The following CEP85L variants were observed in gnomAD, a reference collection of about 807,000 sequenced individuals.
CEP85L encodes centrosomal protein 85L.
In CEP85L, 60 loss-of-function variants were observed where a neutral mutation model predicts 100.3. The observed-to-expected ratio is 0.60, with a 90% CI of 0.49 to 0.74. The LOEUF (loss-of-function observed/expected upper bound fraction) is 0.74. CEP85L is among the 30% of genes least tolerant of loss of function. The pLI, the probability that CEP85L is intolerant of heterozygous loss-of-function variation, is 0.00. For synonymous variants in CEP85L, 319 were observed against 322.7 expected (o/e 0.99, Z 0.12); for missense variants, 973 against 936.2 (o/e 1.04, Z -0.51).
At chr6:118,537,490 T>C in intron 3 of CEP85L, 3 of 983,868 alleles carry the variant, frequency 3.0e-6, no homozygotes, top group Non-Finnish European at 3.6e-6. Context: ...CCTAACCATA[T>C]AGATTTATAG....
chr6:118,462,668 T>C lies in CEP85L; in HGVS notation c.*2737A>G, dbSNP rs950168654. The C allele has an allele frequency of 2.6e-5, 4 of 152,002 alleles. No individual in the cohort carries two copies. The highest frequency in any genetic ancestry group is 7.2e-5 in the African/African-American group (3 of 41,438). The allele number at this position is 152,002 out of a possible 1,614,324, so 9.4% of individuals were successfully genotyped here. The stretch of plus-strand genomic sequence containing the variant: ...GGTTAATTTTCATTTCAGGAATATA[T>C]TGGTGTCATAACTTCCACGAACATC... On this transcript the variant is annotated 3_prime_UTR_variant, in exon 13 of 13. Transcript: ENST00000368491.
At chr6:118,651,991 G>A (rs950247674), upstream of CEP85L, 9 of 753,834 alleles carry the variant, frequency 1.2e-5, no homozygotes, top group African/African-American at 1.9e-5. Flanking sequence ...GGGGCTTCCA[G>A]CCTCCCTTGG....
chr6:118,478,082 T>C (rs1219692974), intron 10 of CEP85L, among the ~76,000 whole-genome samples: 1 of 152,114 alleles, frequency 6.6e-6, no homozygotes, highest in Non-Finnish European at 1.5e-5. Flanking sequence ...ATTAGGTATA[T>C]CAGCTTGATA....
chr6:118,597,868 T>C (rs1286316127), intron 2 of CEP85L, among the ~76,000 whole-genome samples: 2 of 152,194 alleles, frequency 1.3e-5, no homozygotes, highest in East Asian at 1.9e-4. Context: ...AGTTATTTTT[T>C]AAGCTCTCCT....
At chr6:118,488,151 T>C (rs950460737) in intron 6 of CEP85L, among the ~76,000 whole-genome samples, 5 of 151,918 alleles carry the variant, frequency 3.3e-5, no homozygotes, top group Admixed American at 3.3e-4. Flanking sequence ...AAGTATCAAC[T>C]TAAAGAGGGA....
At position 118,651,283 on chromosome 6, in the gene CEP85L, G is replaced by C. The variant is rs1275057488; in HGVS notation, c.-14C>G. The C allele has an allele frequency of 6.8e-7, 1 of 1,480,928 alleles. No individual in the cohort carries two copies. Among genetic ancestry groups the C allele is most frequent in the Non-Finnish European group, 8.9e-7 (1 of 1,119,476 alleles). 91.7% of individuals were successfully genotyped at this position (1,480,928 alleles called of 1,614,324 possible). A position where few individuals can be genotyped will look rare whatever the true frequency, so the allele number is the denominator to read the frequency against. Reference sequence around the variant, plus strand: ...GCGCCCCCACATCGCGGGCGAGAGGGCCGGGTGGGCCAGGGACGCCCGACT... The same window carrying C: ...GCGCCCCCACATCGCGGGCGAGAGGCCCGGGTGGGCCAGGGACGCCCGACT... On this transcript the variant is annotated 5_prime_UTR_variant, in exon 1 of 13. Coordinates refer to ENST00000368491, the MANE Select transcript of CEP85L (RefSeq NM_001042475.3).
intron 2 of CEP85L, among the ~76,000 whole-genome samples, chr6:118,569,115 C>T (rs866543447): frequency 1.8e-4 from 28 of 151,638 alleles, no homozygotes; most frequent in Admixed American, 5.3e-4. Flanking sequence ...CCAAGGCAGG[C>T]GGATTACTTG....
intron 4 of CEP85L, among the ~76,000 whole-genome samples, chr6:118,519,167 A>G (rs1256102536): frequency 2.0e-5 from 3 of 152,000 alleles, no homozygotes; most frequent in Non-Finnish European, 4.4e-5. Flanking sequence ...GTTAGGGGGA[A>G]AAAAAGGGCC....
chr6:118,512,941 C>T (rs1398017770), intron 4 of CEP85L, among the ~76,000 whole-genome samples: 2 of 152,048 alleles, frequency 1.3e-5, no homozygotes, highest in East Asian at 3.9e-4. Context: ...CTAGAACTGA[C>T]AGAGATGTTA....
At chr6:118,545,574 G>GA (rs904131807) in intron 3 of CEP85L, among the ~76,000 whole-genome samples, 33 of 152,250 alleles carry the variant, frequency 2.2e-4, no homozygotes, top group African/African-American at 7.5e-4. Flanking sequence ...GTAACAGAGT[G>GA]AGACTCCGCA....
At chr6:118,641,848 A>T (rs542070445) in intron 1 of CEP85L, among the ~76,000 whole-genome samples, 1 of 152,174 alleles carries the variant, frequency 6.6e-6, no homozygotes, top group South Asian at 2.1e-4. Context: ...AAATTACAAA[A>T]TTAGATCTGA....
At chr6:118,591,944 C>T (rs1261776505) in intron 2 of CEP85L, among the ~76,000 whole-genome samples, 4 of 152,152 alleles carry the variant, frequency 2.6e-5, no homozygotes, top group Non-Finnish European at 4.4e-5. Flanking sequence ...AACAAAGTTA[C>T]TTGATTTACA....
At chr6:118,514,257 G>A (rs1370942070) in intron 4 of CEP85L, among the ~76,000 whole-genome samples, 3 of 152,114 alleles carry the variant, frequency 2.0e-5, no homozygotes, top group Non-Finnish European at 2.9e-5. Context: ...AGGCACAGTG[G>A]CTCACATCTG....
At chr6:118,569,890 C>A (rs181770787) in intron 2 of CEP85L, among the ~76,000 whole-genome samples, 1 of 151,880 alleles carries the variant, frequency 6.6e-6, no homozygotes, top group Admixed American at 6.6e-5. Flanking sequence ...AATCCTCAAA[C>A]GCACTAATAG....
chr6:118,466,410 G>A (rs928530365), intron 12 of CEP85L, among the ~76,000 whole-genome samples: 1 of 152,140 alleles, frequency 6.6e-6, no homozygotes, highest in Non-Finnish European at 1.5e-5. Flanking sequence ...ACAGTGGCTT[G>A]TTCTCGATGC....
chr6:118,631,888 G>A lies in CEP85L; in HGVS notation c.232+565C>T, dbSNP rs527275326. Among the ~76,000 whole-genome samples the A allele has an allele frequency of 7.9e-5, 12 of 152,214 alleles. No individual in the cohort carries two copies. The South Asian group carries it at 2.1e-3, about 26-fold the overall frequency. ...TCAGCTCTATCAATGTCAATACCCTGGTTACAACACTATTATTTCTTAAAA... is the reference window on the plus strand; with the variant it reads ...TCAGCTCTATCAATGTCAATACCCTAGTTACAACACTATTATTTCTTAAAA... On this transcript the variant is annotated intron_variant, in intron 2 of 12. Coordinates refer to ENST00000368491, the MANE Select transcript of CEP85L (RefSeq NM_001042475.3).
At chr6:118,693,001 A>G (rs1777097271) in intron 1 of CEP85L, among the ~76,000 whole-genome samples, 1 of 152,224 alleles carries the variant, frequency 6.6e-6, no homozygotes, top group Non-Finnish European at 1.5e-5. Context: ...AGGCATAGAA[A>G]GATTCTGAAG....
chr6:118,652,805 G>GT (rs1446145675), upstream of CEP85L: 1 of 1,247,290 alleles, frequency 8.0e-7, no homozygotes, highest in Admixed American at 2.3e-5. Context: ...AGGGTCAGCT[G>GT]TTTCTGATGA....
At chr6:118,536,139 A>C (rs1014208972) in intron 3 of CEP85L, among the ~76,000 whole-genome samples, 3 of 152,218 alleles carry the variant, frequency 2.0e-5, no homozygotes, top group African/African-American at 7.2e-5. Flanking sequence ...TGGTGGTAGA[A>C]GTATACACTA....
Sources: allele counts gnomAD v4.1 joint callset (sites outside exome capture counted in the v4.1 genomes callset), GRCh38; gene constraint gnomAD v4.1.1; transcripts MANE v1.5; gene names NCBI Gene and HGNC (gene_info 2026-07-23, HGNC 2026-07-21).